Variants in PPFIBP2 observed in about 807,000 individuals in gnomAD.
PPFIBP2 encodes liprin-beta-2.
In PPFIBP2, 118 loss-of-function variants were observed where a neutral mutation model predicts 118.3. That is an observed-to-expected ratio of 1.00 (90% confidence interval 0.86 to 1.16). The LOEUF is 1.16. Ranked by LOEUF, PPFIBP2 falls within the 50% of genes most tolerant of loss-of-function variation. The pLI is 0.00. For synonymous variants in PPFIBP2, 414 were observed against 397.4 expected (o/e 1.04, Z -0.50); for missense variants, 1,195 against 1,073.1 (o/e 1.11, Z -1.59).
chr11:7,559,587 G>A (rs546993157), intron 2 of PPFIBP2, among the ~76,000 whole-genome samples: 1 of 152,284 alleles, frequency 6.6e-6, no homozygotes. Flanking sequence ...TGTCTCACTG[G>A]GGGGTGAGGG....
At chr11:7,649,319 T>G in intron 20 of PPFIBP2, 84 bp downstream of exon 20, 2 of 1,349,574 alleles carry the variant, frequency 1.5e-6, no homozygotes, top group Non-Finnish European at 2.1e-6. Context: ...TTAAACTTGA[T>G]TCCATATATT....
intron 6 of PPFIBP2, among the ~76,000 whole-genome samples, chr11:7,617,844 A>T (rs1484175549): frequency 2.6e-5 from 4 of 152,210 alleles, no homozygotes; most frequent in African/African-American, 2.4e-5. Flanking sequence ...ACATAATCAC[A>T]TCAGGGTGAT....
intron 17 of PPFIBP2, among the ~76,000 whole-genome samples, chr11:7,642,724 A>G (rs992066750): frequency 6.6e-6 from 1 of 152,188 alleles, no homozygotes; most frequent in South Asian, 2.1e-4. Context: ...TCACCTCAAG[A>G]TTGCCATATA....
chr11:7,614,143 T>C (rs1180176936), intron 6 of PPFIBP2, among the ~76,000 whole-genome samples: 1 of 152,238 alleles, frequency 6.6e-6, no homozygotes, highest in East Asian at 1.9e-4. Flanking sequence ...GTTTTTATTT[T>C]CTTTATTTAC....
chr11:7,665,725 G>GCAAT, the PPFIBP2 span: 4 of 1,187,012 alleles, frequency 3.4e-6, no homozygotes, highest in Non-Finnish European at 4.7e-6. Flanking sequence ...GCCCTCTGCA[G>GCAAT]CAATCACCCC....
intron 1 of PPFIBP2, among the ~76,000 whole-genome samples, chr11:7,542,814 A>G (rs982785344): frequency 6.6e-6 from 1 of 152,122 alleles, no homozygotes; most frequent in African/African-American, 2.4e-5. Flanking sequence ...TTTTGAGTTT[A>G]TGTCTCTCTT....
At chr11:7,652,436 G>T (rs1854182903) in intron 23 of PPFIBP2, among the ~76,000 whole-genome samples, 1 of 152,224 alleles carries the variant, frequency 6.6e-6, no homozygotes, top group South Asian at 2.1e-4. Context: ...CAGACCAACA[G>T]GCAACCTCTG....
At chr11:7,606,011 C>T (rs1352869219) in intron 5 of PPFIBP2, 1 of 1,534,312 alleles carries the variant, frequency 6.5e-7, no homozygotes, top group East Asian at 2.4e-5. Context: ...CGGAGTGCGC[C>T]TAAAGTAGGT....
chr11:7,514,391 C>G (rs1387706489), intron 1 of PPFIBP2, among the ~76,000 whole-genome samples: 3 of 152,220 alleles, frequency 2.0e-5, no homozygotes, highest in South Asian at 2.1e-4. Flanking sequence ...GCGGACAGTC[C>G]GCACTCCTGC....
chr11:7,552,994 T>C (rs1250509882), intron 2 of PPFIBP2, among the ~76,000 whole-genome samples: 1 of 152,228 alleles, frequency 6.6e-6, no homozygotes, highest in Non-Finnish European at 1.5e-5. Flanking sequence ...GCTCTGCCAC[T>C]GTATCTCCAG....
chr11:7,579,807 G>A (rs1026479769), intron 3 of PPFIBP2, among the ~76,000 whole-genome samples: 1 of 152,114 alleles, frequency 6.6e-6, no homozygotes, highest in Non-Finnish European at 1.5e-5. Flanking sequence ...TAGCAAAACA[G>A]ATATTTTTCT....
rs150660067 is a variant in PPFIBP2, at chr11:7,641,586, C to T, written c.1483C>T (p.Arg495Trp). 74 of 1,613,982 alleles carry T rather than the reference C, an allele frequency of 4.6e-5. No homozygotes were observed. The highest frequency in any genetic ancestry group is 8.0e-5 in the African/African-American group (6 of 75,046). ...GTCTCCTCTGACACCAGATGGTAAA[C>T]GGAATCCCAAAGGCATTAAGAAGTT... Reference protein sequence around the residue: ...PQSPLTPDGKRNPKGIKKFWG... With the variant: ...PQSPLTPDGKWNPKGIKKFWG... Residue 495 changes from arginine (R) to tryptophan (W), a missense_variant, in exon 16 of 24, where the codon CGG (arginine) becomes TGG (tryptophan). Arg to Trp is a moderately radical substitution (Grantham distance 101, BLOSUM62 -3). Coordinates refer to ENST00000299492, the MANE Select transcript of PPFIBP2 (RefSeq NM_003621.5).
chr11:7,539,470 AGCTTGTGGC>A (rs777724004), intron 1 of PPFIBP2: 3 of 152,518 alleles, frequency 2.0e-5, no homozygotes, highest in Non-Finnish European at 4.4e-5. Flanking sequence ...GGACAGGTAC[AGCTTGTGGC>A]CCTGGGCAGA....
chr11:7,608,512 C>T (rs553832337), intron 5 of PPFIBP2, among the ~76,000 whole-genome samples: 8 of 152,278 alleles, frequency 5.3e-5, no homozygotes, highest in African/African-American at 1.7e-4. Flanking sequence ...TGGTGGCATG[C>T]GCCTGTAATC....
intron 5 of PPFIBP2, among the ~76,000 whole-genome samples, chr11:7,607,510 A>C (rs1847540046): frequency 6.6e-6 from 1 of 152,138 alleles, no homozygotes. Context: ...CACTGTGCCC[A>C]GGCTGAGCAT....
At chr11:7,615,525 C>T (rs1777578014) in intron 6 of PPFIBP2, among the ~76,000 whole-genome samples, 1 of 152,092 alleles carries the variant, frequency 6.6e-6, no homozygotes. Flanking sequence ...TCCAAACTGA[C>T]TGATGCACAC....
intron 2 of PPFIBP2, among the ~76,000 whole-genome samples, chr11:7,560,083 A>C (rs1854125017): frequency 6.6e-6 from 1 of 152,164 alleles, no homozygotes; most frequent in African/African-American, 2.4e-5. Context: ...AGATTTTCTG[A>C]AATGATTGTT....
intron 1 of PPFIBP2, among the ~76,000 whole-genome samples, chr11:7,541,957 C>T (rs183328152): frequency 6.6e-6 from 1 of 152,302 alleles, no homozygotes; most frequent in African/African-American, 2.4e-5. Context: ...CAAGGTATAT[C>T]AGGAATTAGA....
Position 7,562,970 on chromosome 11 carries a change from T to C in PPFIBP2, c.65-2583T>C, listed in dbSNP as rs1202525502. 1.0e-2 allele frequency among the ~76,000 whole-genome samples: 986 copies of C among 98,852 alleles called. 38 individuals are homozygous for C. Among genetic ancestry groups the C allele is most frequent in the African/African-American group, 0.036 (941 of 26,424 alleles). 64.9% of individuals were successfully genotyped at this position (98,852 alleles called of 152,430 possible). A position where few individuals can be genotyped will look rare whatever the true frequency, so the allele number is the denominator to read the frequency against. On this transcript the variant is annotated intron_variant, in intron 2 of 23. Transcript: ENST00000299492. ...ATATATATATATATATATATATATATATATATACACGCACACACACATATG... is the reference window on the plus strand; with the variant it reads ...ATATATATATATATATATATATATACATATATACACGCACACACACATATG...
Sources: gnomAD v4.1 joint callset for allele counts (sites outside exome capture counted in the v4.1 genomes callset) on GRCh38, gnomAD v4.1.1 for gene constraint, MANE v1.5 for transcripts, NCBI Gene and HGNC (gene_info 2026-07-23, HGNC 2026-07-21) for gene names.